RSPH3: variants seen among roughly 807,000 people sequenced by gnomAD.
The protein encoded by RSPH3 is radial spoke head 3.
A neutral mutation model predicts 43.8 loss-of-function variants in RSPH3; 21 were observed. That is an observed-to-expected ratio of 0.48 (90% CI 0.34 to 0.69). The LOEUF is 0.69. Among genes scored for constraint, RSPH3 ranks in the 30% least tolerant of loss-of-function variants. The pLI is 0.01. For missense variants in RSPH3, 487 were observed against 516.0 expected, an observed-to-expected ratio of 0.94 and a Z score of 0.54; for synonymous variants, 173 against 179.8, an observed-to-expected ratio of 0.96 and a Z score of 0.30.
At chr6:158,979,822 G>C (rs1428016273) in intron 6 of RSPH3, among the ~76,000 whole-genome samples, 1 of 152,092 alleles carries the variant, frequency 6.6e-6, no homozygotes, top group African/African-American at 2.4e-5. Context: ...GGTGGGTGGT[G>C]GTGAGGACAT....
In RSPH3 at chr6:158,977,308, C is replaced by A. The variant is rs2052147840; in HGVS notation, c.*230G>T. On this transcript the variant is annotated 3_prime_UTR_variant, in exon 8 of 8. Coordinates refer to ENST00000367069, the MANE Select transcript of RSPH3 (RefSeq NM_031924.8). ...AGAAAGCTAGTAATTAAATATAATT[C>A]TCATTAGAATTACAATATAGCCTTT... 1 of 461,282 alleles carries A rather than the reference C, an allele frequency of 2.2e-6. No individual in the cohort carries two copies. Among genetic ancestry groups the A allele is most frequent in the Non-Finnish European group, 3.8e-6 (1 of 265,026 alleles). 28.6% of individuals were successfully genotyped at this position (461,282 alleles called of 1,614,324 possible).
chr6:158,999,638 G>A lies in RSPH3; in HGVS notation c.-88C>T, dbSNP rs1235156839. On this transcript the variant is annotated 5_prime_UTR_variant, in exon 1 of 8. Coordinates refer to ENST00000367069, the MANE Select transcript of RSPH3 (RefSeq NM_031924.8). Reference sequence around the variant, plus strand: ...TGTTGTGGGACCCGGAGAGATGTAAGTAGTGCCAAGGGCAAGGATTCCGCG... The same window carrying A: ...TGTTGTGGGACCCGGAGAGATGTAAATAGTGCCAAGGGCAAGGATTCCGCG... 2.5e-6 allele frequency: 4 copies of A among 1,614,004 alleles called. No individual in the cohort carries two copies. The Admixed American group carries it at 5.0e-5, about 20-fold the overall frequency.
At chr6:158,992,033 G>T (rs375510795) in intron 2 of RSPH3, among the ~76,000 whole-genome samples, 28 of 145,930 alleles carry the variant, frequency 1.9e-4, no homozygotes, top group African/African-American at 6.8e-4. Context: ...TTTCCCAACT[G>T]TAGGCTAATG....
intron 5 of RSPH3, 41 bp from the exon 6 acceptor site, chr6:158,980,977 C>T (rs1280676367): frequency 1.2e-6 from 2 of 1,600,508 alleles, no homozygotes; most frequent in Admixed American, 3.3e-5. Context: ...CTCTTATGCC[C>T]TCCCCAAGTG....
chr6:158,963,165 C>A, the RSPH3 span, among the ~76,000 whole-genome samples: 4 of 152,150 alleles, frequency 2.6e-5, no homozygotes, highest in African/African-American at 9.7e-5. Context: ...TTATATTCAT[C>A]ATCCCAATTT....
At chr6:158,987,428 C>T (rs1184727468) in intron 2 of RSPH3, among the ~76,000 whole-genome samples, 4 of 152,108 alleles carry the variant, frequency 2.6e-5, no homozygotes, top group Non-Finnish European at 5.9e-5. Flanking sequence ...CTCTTCTATG[C>T]CTTTTAATTG....
At position 159,000,023 on chromosome 6, in the gene RSPH3, G is replaced by C; in HGVS notation, c.-473C>G. 1 of 1,525,786 alleles carries C rather than the reference G, an allele frequency of 6.6e-7. No individual in the cohort carries two copies. The highest frequency in any genetic ancestry group is 1.3e-5 in the South Asian group (1 of 78,026). 94.5% of individuals were successfully genotyped at this position (1,525,786 alleles called of 1,614,324 possible). Reference sequence around the variant, plus strand: ...GGTGGCTGTCCTTGGCCCGGCTTTGGAATGTGGCTTTGCAGGGCTGGTGTT... The same window carrying C: ...GGTGGCTGTCCTTGGCCCGGCTTTGCAATGTGGCTTTGCAGGGCTGGTGTT... On this transcript the variant is annotated 5_prime_UTR_variant, in exon 1 of 8. Coordinates refer to ENST00000367069, the MANE Select transcript of RSPH3 (RefSeq NM_031924.8).
chr6:158,982,433 T>C (rs1214313062), intron 5 of RSPH3, 52 bp downstream of exon 5: 3 of 1,153,152 alleles, frequency 2.6e-6, no homozygotes, highest in Non-Finnish European at 3.7e-6. Flanking sequence ...TTGAACATAA[T>C]ATGCTAACTA....
chr6:158,986,407 A>G lies in RSPH3; in HGVS notation c.219T>C (p.Asp73=). The G allele has an allele frequency of 6.2e-7, 1 of 1,613,134 alleles. No homozygotes were observed. The highest frequency in any genetic ancestry group is 1.1e-5 in the South Asian group (1 of 90,936). ...CCCGTTGTCTCTGGAGCTCTAGAGA[A>G]TCAGGCCGTCCGAGCTAACAGTGAT... ...LQTGPLLGRP[D]SLELQRQREA... The change falls in exon 3 of 8, where the codon GAT becomes GAC. Residue 73 remains aspartate, a synonymous_variant. Coordinates refer to ENST00000367069, the MANE Select transcript of RSPH3 (RefSeq NM_031924.8).
intron 2 of RSPH3, among the ~76,000 whole-genome samples, chr6:158,990,978 T>C (rs4709258): frequency 0.11 from 17,349 of 151,984 alleles, 1,721 homozygotes; most frequent in East Asian, 0.41. Context: ...GACTGTTTCC[T>C]ATGCCATTTC....
downstream of RSPH3, among the ~76,000 whole-genome samples, chr6:158,972,681 C>T (rs1777710667): frequency 6.6e-6 from 1 of 152,162 alleles, no homozygotes; most frequent in Non-Finnish European, 1.5e-5. Flanking sequence ...AAAATTCATT[C>T]ATTTTGAATT....
intron 1 of RSPH3, among the ~76,000 whole-genome samples, chr6:158,998,163 T>G (rs1193354222): frequency 6.8e-6 from 1 of 146,020 alleles, no homozygotes; most frequent in Non-Finnish European, 1.5e-5. Context: ...AGAGTTTATG[T>G]TTTTTTTGCT....
At chr6:158,998,410 A>C (rs796339609) in intron 1 of RSPH3, among the ~76,000 whole-genome samples, 22 of 139,418 alleles carry the variant, frequency 1.6e-4, no homozygotes, top group Admixed American at 9.5e-4. Context: ...TGGAGGTTGC[A>C]GTGAGCCGAG....
intron 1 of RSPH3, among the ~76,000 whole-genome samples, chr6:158,998,666 G>C (rs963763796): frequency 6.8e-6 from 1 of 147,308 alleles, no homozygotes; most frequent in Non-Finnish European, 1.5e-5. Context: ...GACCAGCCTG[G>C]CCAACGTGGC....
Position 158,993,899 on chromosome 6 carries a change from GTTTCCATAAT to G in RSPH3, c.134_143del (p.His45ProfsTer2). 6.2e-7 allele frequency: 1 copy of G among 1,610,838 alleles called. No homozygotes were observed. Among genetic ancestry groups the G allele is most frequent in the Non-Finnish European group, 8.5e-7 (1 of 1,177,244 alleles). ...GAATTACCCTTCTGTCATACATTAT[GTTTCCATAAT>G]GCATAGGTTCTTCATCTCTGTAAAA... On this transcript the variant is annotated frameshift_variant, in exon 2 of 8. Transcript: ENST00000367069. LOFTEE classifies it high-confidence loss of function.
chr6:158,997,064 G>A (rs938327475), intron 1 of RSPH3, among the ~76,000 whole-genome samples: 2 of 152,064 alleles, frequency 1.3e-5, no homozygotes, highest in Admixed American at 6.6e-5. Context: ...CACTTCCCAC[G>A]GATCTGCTTC....
rs1583724778 is a variant in RSPH3 at position 158,993,772 on chromosome 6, C to A, written c.204+67G>T. The A allele has an allele frequency of 4.7e-6, 4 of 842,840 alleles. No individual in the cohort carries two copies. The Admixed American group carries it at 8.8e-5, about 19-fold the overall frequency. The allele number at this position is 842,840 out of a possible 1,614,324, so 52.2% of individuals were successfully genotyped here. A position where few individuals can be genotyped will look rare whatever the true frequency, so the allele number is the denominator to read the frequency against. On this transcript the variant is annotated intron_variant, in intron 2 of 7. Transcript: ENST00000367069. ...TCTGCAACGGATTAGAAATTAACAC[C>A]AAGAAACTGATCCTTCCCCATAGAT...
Position 158,989,245 on chromosome 6 carries a change from T to A in RSPH3, c.205-2824A>T, listed in dbSNP as rs959822910. Among the ~76,000 whole-genome samples the A allele has an allele frequency of 6.8e-6, 1 of 146,670 alleles. No individual in the cohort carries two copies. The highest frequency in any genetic ancestry group is 2.5e-5 in the African/African-American group (1 of 40,630). ...TATTTTTAGTAGACGTGGGGTTTCA[T>A]CATATTGGTCAGGCTGGTCTCGAAC... is the stretch of plus-strand genomic sequence containing the variant. On this transcript the variant is annotated intron_variant, in intron 2 of 7. Coordinates refer to ENST00000367069, the MANE Select transcript of RSPH3 (RefSeq NM_031924.8). This position sits in a 1 kb window ranked among gnomAD's most constrained non-coding sequence, Gnocchi z 4.3.
At chr6:158,964,200 C>G in the RSPH3 span, among the ~76,000 whole-genome samples, 1 of 152,296 alleles carries the variant, frequency 6.6e-6, no homozygotes, top group East Asian at 1.9e-4. Flanking sequence ...ATTTCTCACA[C>G]CACCCTCTCC....
Sources: allele counts gnomAD v4.1 joint callset (sites outside exome capture counted in the v4.1 genomes callset), GRCh38; gene constraint gnomAD v4.1.1; non-coding constraint Gnocchi (gnomAD v3.1); transcripts MANE v1.5; gene names NCBI Gene and HGNC (gene_info 2026-07-23, HGNC 2026-07-21).